The following CMIP variants were observed in gnomAD, a reference collection of about 807,000 sequenced individuals.
The protein encoded by CMIP is C-Maf-inducing protein.
A neutral mutation model predicts 97.3 loss-of-function variants in CMIP; 13 were observed. That is an observed-to-expected ratio of 0.13 (90% CI 0.09 to 0.21). The LOEUF (loss-of-function observed/expected upper bound fraction) is 0.21. Ranked by LOEUF, CMIP falls within the 10% of genes least tolerant of loss-of-function variation. CMIP has a pLI of 1.00. For missense variants in CMIP, 847 were observed against 1,024.9 expected (o/e 0.83, Z 2.37); for synonymous variants, 538 against 436.3 (o/e 1.23, Z -2.91).
rs1360370799 is a variant in CMIP, at chr16:81,482,884, C to T, written c.300+37343C>T. ...GGGGTCAGCGAGGCAGGTCATGGGA[C>T]GCTGTTGGTGCACAGGCATGCCTGC... On this transcript the variant is annotated intron_variant, in intron 1 of 20. Coordinates refer to ENST00000537098, the MANE Select transcript of CMIP (RefSeq NM_198390.3). Among the ~76,000 whole-genome samples, 16 of 152,336 alleles carry T rather than the reference C, an allele frequency of 1.1e-4. 1 individual carries two copies. The highest frequency in any genetic ancestry group is 2.2e-4 in the African/African-American group (9 of 41,588).
intron 10 of CMIP, among the ~76,000 whole-genome samples, chr16:81,684,917 G>T (rs1905228014): frequency 6.6e-6 from 1 of 152,240 alleles, no homozygotes; most frequent in Non-Finnish European, 1.5e-5. Flanking sequence ...GACTGCCCCA[G>T]TGGCCAGAGG....
intron 1 of CMIP, among the ~76,000 whole-genome samples, chr16:81,491,820 T>C (rs768200419): frequency 6.6e-6 from 1 of 152,232 alleles, no homozygotes; most frequent in Non-Finnish European, 1.5e-5. Context: ...GGCCCATCTG[T>C]ACACATACTT....
At chr16:81,675,370 ATTT>A (rs35314200) in intron 9 of CMIP, among the ~76,000 whole-genome samples, 1,329 of 123,350 alleles carry the variant, frequency 0.011, 18 homozygotes, top group African/African-American at 0.036. Flanking sequence ...CACCTGGCTA[ATTT>A]TTTTTTTTTT....
intron 2 of CMIP, among the ~76,000 whole-genome samples, chr16:81,613,956 G>T (rs761549063): frequency 7.2e-5 from 11 of 152,202 alleles, no homozygotes; most frequent in Admixed American, 1.3e-4. Context: ...TGGTGCCTAA[G>T]TCAGACGTGG....
At chr16:81,474,828 G>A (rs1351312993) in intron 1 of CMIP, among the ~76,000 whole-genome samples, 1 of 151,076 alleles carries the variant, frequency 6.6e-6, no homozygotes, top group Non-Finnish European at 1.5e-5. Flanking sequence ...CCTAGGCCCT[G>A]CCAGCCTGGC....
intron 1 of CMIP, among the ~76,000 whole-genome samples, chr16:81,508,638 A>C (rs116984163): frequency 1.3e-5 from 2 of 152,250 alleles, no homozygotes; most frequent in Non-Finnish European, 2.9e-5. Context: ...TGTCTGAGTC[A>C]AAGGTTATGC....
At chr16:81,510,655 G>C (rs1224408302) in intron 1 of CMIP, among the ~76,000 whole-genome samples, 1 of 152,112 alleles carries the variant, frequency 6.6e-6, no homozygotes, top group Non-Finnish European at 1.5e-5. Context: ...ACCAGTCCAA[G>C]ACCAATGTTT....
intron 1 of CMIP, among the ~76,000 whole-genome samples, chr16:81,556,337 A>T (rs12597677): frequency 0.048 from 7,259 of 152,192 alleles, 333 homozygotes; most frequent in East Asian, 0.13. Context: ...GCTTCTCTGA[A>T]CACGGGTGCG....
intron 3 of CMIP, among the ~76,000 whole-genome samples, chr16:81,650,209 A>G (rs996532334): frequency 4.6e-5 from 7 of 152,120 alleles, no homozygotes; most frequent in Admixed American, 1.3e-4. Context: ...AGGGTCTCCA[A>G]TGGCTGGCAA....
intron 5 of CMIP, among the ~76,000 whole-genome samples, chr16:81,659,772 G>T (rs1242644795): frequency 6.6e-6 from 1 of 152,178 alleles, no homozygotes; most frequent in Admixed American, 6.5e-5. Flanking sequence ...CCCTTAATTG[G>T]GTCAGGTTGA....
intron 8 of CMIP, 60 bp from the exon 9 acceptor site, chr16:81,671,906 A>T: frequency 1.2e-6 from 1 of 860,060 alleles, no homozygotes; most frequent in South Asian, 1.5e-5. Context: ...TTCCCCCCTT[A>T]CCCTGTCCAT....
At position 81,554,672 on chromosome 16, in the gene CMIP, C is replaced by A. The variant is rs570971807; in HGVS notation, c.301-52895C>A. ...CTTCATTCACCGCTGTCAGCAGGTG[C>A]CTTTTTTCCTGCAGCCACTTCTCTG... On this transcript the variant is annotated intron_variant, in intron 1 of 20. Transcript: ENST00000537098. Among the ~76,000 whole-genome samples, 58 of 152,288 alleles carry A rather than the reference C, an allele frequency of 3.8e-4. No individual in the cohort carries two copies. In the Middle Eastern group the frequency reaches 0.01, roughly 27 times the overall value.
intron 1 of CMIP, among the ~76,000 whole-genome samples, chr16:81,449,862 G>C (rs1906100845): frequency 6.6e-6 from 1 of 152,222 alleles, no homozygotes; most frequent in Admixed American, 6.5e-5. Flanking sequence ...TGCATTTTAA[G>C]GAAGGAGTAA....
chr16:81,602,329 A>G (rs1043689524), intron 1 of CMIP, among the ~76,000 whole-genome samples: 5 of 152,242 alleles, frequency 3.3e-5, no homozygotes, highest in African/African-American at 1.2e-4. Flanking sequence ...TAATCAGGAA[A>G]GTCACACACC....
rs1207777304 is a variant in CMIP, at chr16:81,702,652, C to T, written c.1927C>T (p.Leu643=). The T allele has an allele frequency of 2.5e-6, 4 of 1,613,574 alleles. No homozygotes were observed. In the South Asian group the frequency reaches 3.3e-5, roughly 13 times the overall value. Residue 643 remains leucine (L), a synonymous_variant, in exon 17 of 21, where the codon CTG becomes TTG. Transcript: ENST00000537098. ...QRKGGPTRLT[L]PSKSTDADLA... is the part of the protein sequence containing the mutation. The stretch of plus-strand genomic sequence containing the variant: ...GAAAGGCGGGCCCACCAGGCTAACA[C>T]TGCCCTCCAAGTCCACAGTGAGTTG...
rs1483271378 is a variant in CMIP at position 81,711,163 on chromosome 16, T to C, written c.*1364T>C. The stretch of plus-strand genomic sequence containing the variant: ...GCCCTCACTGTACAGAACAGCCCGT[T>C]GATGGTTTATTTGGGGTCCCCCTCT... On this transcript the variant is annotated 3_prime_UTR_variant, in exon 21 of 21. Transcript: ENST00000537098. 6.6e-6 allele frequency: 1 copy of C among 152,516 alleles called. No homozygotes were observed. The highest frequency in any genetic ancestry group is 2.4e-5 in the African/African-American group (1 of 41,414). The allele number at this position is 152,516 out of a possible 1,614,324, so 9.4% of individuals were successfully genotyped here.
intron 1 of CMIP, among the ~76,000 whole-genome samples, chr16:81,595,897 T>C (rs1157612066): frequency 6.6e-6 from 1 of 152,228 alleles, no homozygotes; most frequent in Admixed American, 6.5e-5. Flanking sequence ...CTTAGATGTA[T>C]ATCTAGGAGT....
chr16:81,568,039 G>GTGTGTGTTT (rs10629229), intron 1 of CMIP, among the ~76,000 whole-genome samples: 1,368 of 82,602 alleles, frequency 0.017, 37 homozygotes, highest in Middle Eastern at 0.051. Flanking sequence ...GTGTGTGTGT[G>GTGTGTGTTT]TTTTTTTTTT....
chr16:81,501,030 G>T (rs2089600455), intron 1 of CMIP, among the ~76,000 whole-genome samples: 1 of 152,216 alleles, frequency 6.6e-6, no homozygotes, highest in Admixed American at 6.5e-5. Flanking sequence ...TTATCCTTTG[G>T]AAAATAAGCA....
Sources: allele counts gnomAD v4.1 joint callset (sites outside exome capture counted in the v4.1 genomes callset), GRCh38; gene constraint gnomAD v4.1.1; transcripts MANE v1.5; gene names NCBI Gene and HGNC (gene_info 2026-07-23, HGNC 2026-07-21).